MBP: variants seen among roughly 807,000 people sequenced by gnomAD.
MBP encodes the protein myelin basic protein.
MBP carries 16 observed loss-of-function variants against 35.8 expected under a neutral mutation model. That is an observed-to-expected ratio of 0.45 (90% CI 0.30 to 0.68). The LOEUF (loss-of-function observed/expected upper bound fraction) is 0.68. MBP is among the 30% of genes least tolerant of loss of function. MBP has a pLI of 0.08. For missense variants in MBP, 380 were observed against 404.7 expected, an observed-to-expected ratio of 0.94 and a Z score of 0.52; for synonymous variants, 143 against 159.6, an observed-to-expected ratio of 0.90 and a Z score of 0.78.
intron 3 of MBP, among the ~76,000 whole-genome samples, chr18:77,041,199 A>G (rs575852324): frequency 9.3e-4 from 142 of 152,374 alleles, no homozygotes; most frequent in Middle Eastern, 3.4e-3. Flanking sequence ...ACTGGTCATC[A>G]GAGAAATGCA....
At chr18:77,013,424 A>G in intron 4 of MBP, 1 of 985,466 alleles carries the variant, frequency 1.0e-6, no homozygotes, top group Non-Finnish European at 1.2e-6. Context: ...CAGCTACAGA[A>G]TTAGGATCTC....
intron 4 of MBP, among the ~76,000 whole-genome samples, chr18:76,993,456 A>G (rs909146775): frequency 6.6e-6 from 1 of 150,382 alleles, no homozygotes; most frequent in Admixed American, 6.7e-5. Context: ...GGGCTGAGGC[A>G]GGAGAATTGC....
chr18:77,112,052 T>C (rs1050185672), intron 1 of MBP, among the ~76,000 whole-genome samples: 1 of 152,188 alleles, frequency 6.6e-6, no homozygotes, highest in African/African-American at 2.4e-5. Flanking sequence ...GACTGTGTTC[T>C]GCAAGCAATC....
intron 4 of MBP, chr18:77,013,930 A>C: frequency 1.0e-6 from 1 of 985,440 alleles, no homozygotes; most frequent in Non-Finnish European, 1.2e-6. Context: ...GGCCTCAGAT[A>C]TGAGCACTGG....
chr18:77,052,345 G>C (rs1389239545), intron 3 of MBP, among the ~76,000 whole-genome samples: 1 of 152,186 alleles, frequency 6.6e-6, no homozygotes, highest in Non-Finnish European at 1.5e-5. Flanking sequence ...GTAAGACAAA[G>C]GGGTCCTTGG....
intron 4 of MBP, among the ~76,000 whole-genome samples, chr18:76,992,401 G>A (rs773906478): frequency 1.6e-4 from 25 of 152,122 alleles, no homozygotes; most frequent in Non-Finnish European, 3.4e-4. Context: ...TCACTCGCCC[G>A]CTGCTCACCT....
intron 3 of MBP, among the ~76,000 whole-genome samples, chr18:77,032,960 GTTTAATTT>G (rs1374836762): frequency 6.6e-6 from 1 of 152,094 alleles, no homozygotes; most frequent in East Asian, 1.9e-4. Flanking sequence ...GGCTGACTTT[GTTTAATTT>G]TTTTATTTTT....
intron 3 of MBP, among the ~76,000 whole-genome samples, chr18:77,060,115 A>C (rs532349377): frequency 6.6e-6 from 1 of 152,212 alleles, no homozygotes; most frequent in East Asian, 1.9e-4. Context: ...CCATCCCCCA[A>C]ATGGTGTGAA....
intron 2 of MBP, among the ~76,000 whole-genome samples, chr18:77,076,491 G>A (rs761021032): frequency 4.6e-5 from 7 of 152,204 alleles, no homozygotes; most frequent in African/African-American, 9.6e-5. Flanking sequence ...TGAGAGCATC[G>A]AGGCGGCACC....
At chr18:77,025,552 T>C (rs982069716) in intron 3 of MBP, among the ~76,000 whole-genome samples, 1 of 152,146 alleles carries the variant, frequency 6.6e-6, no homozygotes, top group Non-Finnish European at 1.5e-5. Context: ...TCCAACAGTA[T>C]GAAGCTCACC....
At position 76,978,876 on chromosome 18, in the gene MBP, T is replaced by C. The variant is rs1229448771; in HGVS notation, c.*1551A>G. 7 of 152,150 alleles carry C rather than the reference T, an allele frequency of 4.6e-5. No individual in the cohort carries two copies. The highest frequency in any genetic ancestry group is 3.9e-4 in the Admixed American group (6 of 15,278). The allele number at this position is 152,150 out of a possible 1,614,324, so 9.4% of individuals were successfully genotyped here. On this transcript the variant is annotated 3_prime_UTR_variant, in exon 9 of 9. Transcript: ENST00000355994. ...GTTTTATTTCAATATTCAGGAACAG[T>C]GTACACTTTCCGTTCAGCCATCGTC... is the stretch of plus-strand genomic sequence containing the variant.
chr18:77,118,333 C>T (rs1214447683), intron 1 of MBP, among the ~76,000 whole-genome samples: 1 of 151,918 alleles, frequency 6.6e-6, no homozygotes, highest in East Asian at 1.9e-4. Flanking sequence ...CTGAGCTCCA[C>T]CCACCACCCT....
chr18:77,015,863 G>C, intron 4 of MBP: 1 of 985,336 alleles, frequency 1.0e-6, no homozygotes, highest in Non-Finnish European at 1.2e-6. Flanking sequence ...AGCCTTTTAC[G>C]CTCCCACAAG....
In MBP at chr18:77,028,628, C is replaced by G. The variant is rs1365556118; in HGVS notation, c.140-11360G>C. Among the ~76,000 whole-genome samples the G allele has an allele frequency of 3.8e-5, 3 of 78,444 alleles. 1 individual carries two copies. Among genetic ancestry groups the G allele is most frequent in the African/African-American group, 7.0e-5 (2 of 28,686 alleles). The allele number at this position is 78,444 out of a possible 152,430, so 51.5% of individuals were successfully genotyped here. A position where few individuals can be genotyped will look rare whatever the true frequency, so the allele number is the denominator to read the frequency against. ...GCTGGCCGGGCGGGGGGCTGACCCCCCCCCACCTCCCTCCCGGACGGGGCA... is the reference window on the plus strand; with the variant it reads ...GCTGGCCGGGCGGGGGGCTGACCCCGCCCCACCTCCCTCCCGGACGGGGCA... On this transcript the variant is annotated intron_variant, in intron 3 of 8. Transcript: ENST00000355994.
At position 77,053,970 on chromosome 18, in the gene MBP, C is replaced by T. The variant is rs562897367; in HGVS notation, c.139+12328G>A. On this transcript the variant is annotated intron_variant, in intron 3 of 8. Coordinates refer to ENST00000355994, the MANE Select transcript of MBP (RefSeq NM_001025101.2). Reference sequence around the variant, plus strand: ...TGACTGTACTGCCCCACTCTGCATCCTTCTTCCTCTTGGCCCCCTCCTCGA... The same window carrying T: ...TGACTGTACTGCCCCACTCTGCATCTTTCTTCCTCTTGGCCCCCTCCTCGA... Among the ~76,000 whole-genome samples, 221 of 152,364 alleles carry T rather than the reference C, an allele frequency of 1.5e-3. 2 individuals are homozygous for T. The highest frequency in any genetic ancestry group is 2.6e-3 in the Non-Finnish European group (176 of 68,036).
At chr18:77,000,616 C>A (rs182667798) in intron 4 of MBP, among the ~76,000 whole-genome samples, 33 of 152,324 alleles carry the variant, frequency 2.2e-4, no homozygotes, top group African/African-American at 7.2e-4. Flanking sequence ...TGCGATGATA[C>A]CCATCACCAG....
Position 76,981,890 on chromosome 18 carries a change from C to T in MBP, c.871-1419G>A, listed in dbSNP as rs1969224720. On this transcript the variant is annotated intron_variant, in intron 8 of 8. Coordinates refer to ENST00000355994, the MANE Select transcript of MBP (RefSeq NM_001025101.2). ...CATTTCCAAGAGATCAGCCTTTGGA[C>T]TTCCTGGAAAGTGGTAGAACCACTG... The T allele has an allele frequency of 3.3e-5, 5 of 152,380 alleles. No homozygotes were observed. In the South Asian group the frequency reaches 1.0e-3, roughly 32 times the overall value. The allele number at this position is 152,380 out of a possible 1,614,324, so 9.4% of individuals were successfully genotyped here. A position where few individuals can be genotyped will look rare whatever the true frequency, so the allele number is the denominator to read the frequency against.
At chr18:77,075,441 G>T (rs58482744) in intron 2 of MBP, among the ~76,000 whole-genome samples, 2 of 152,092 alleles carry the variant, frequency 1.3e-5, no homozygotes, top group African/African-American at 4.8e-5. Context: ...CGCCTGACAC[G>T]TCCAGACGGC....
rs531636883 is a variant in MBP, at chr18:77,029,014, C to A, written c.140-11746G>T. On this transcript the variant is annotated intron_variant, in intron 3 of 8. Transcript: ENST00000355994. ...CCTCACTTCCCAGACGGGGTGGCGG[C>A]CGGGCAGAGGCTGCAATCTCGGCAC... Among the ~76,000 whole-genome samples, 322 of 110,122 alleles carry A rather than the reference C, an allele frequency of 2.9e-3. 65 individuals are homozygous for A. Among genetic ancestry groups the A allele is most frequent in the Non-Finnish European group, 6.5e-3 (280 of 43,306 alleles). 72.2% of individuals were successfully genotyped at this position (110,122 alleles called of 152,430 possible).
Sources: allele counts gnomAD v4.1 joint callset (sites outside exome capture counted in the v4.1 genomes callset), GRCh38; gene constraint gnomAD v4.1.1; transcripts MANE v1.5; gene names NCBI Gene and HGNC (gene_info 2026-07-23, HGNC 2026-07-21).